The following XAGE5 variants were observed in gnomAD, a reference collection of about 807,000 sequenced individuals.
The protein encoded by XAGE5 is G antigen, family D, 5.
Under a neutral mutation model 13.1 loss-of-function variants are expected in XAGE5, and 13 were observed. That is an observed-to-expected ratio of 0.99 (90% confidence interval 0.64 to 1.57). XAGE5 has a LOEUF of 1.57. Ranked by LOEUF, XAGE5 falls within the 40% of genes most tolerant of loss-of-function variation. The probability of loss-of-function intolerance (pLI) is 0.00; values close to 1 mark genes in which losing one functional copy is unlikely to be tolerated. For synonymous variants in XAGE5, 17 were observed against 25.0 expected (o/e 0.68, Z 0.96); for missense variants, 86 against 77.6 (o/e 1.11, Z -0.41).
chrX:52,812,941 G>A (rs1926828264), intron 3 of XAGE5, among the ~76,000 whole-genome samples, 199 bp from the exon 4 acceptor site: 1 of 111,904 alleles, frequency 8.9e-6, no homozygotes, highest in African/African-American at 3.2e-5. Context: ...CGGTCTCAGA[G>A]TAACCTCTCT....
At chrX:52,816,024 A>G (rs1460938809) in intron 5 of XAGE5, among the ~76,000 whole-genome samples, 1 of 110,886 alleles carries the variant, frequency 9.0e-6, no homozygotes, top group Non-Finnish European at 1.9e-5. Flanking sequence ...GTTCACTGTG[A>G]CCTCCGCCTC....
intron 4 of XAGE5, among the ~76,000 whole-genome samples, chrX:52,813,492 C>T (rs1556777653): frequency 9.0e-6 from 1 of 111,585 alleles, no homozygotes; most frequent in East Asian, 2.8e-4. Flanking sequence ...ATAGTCCTTC[C>T]TAAATCAGAT....
chrX:52,813,022 A>C (rs1926829390), intron 3 of XAGE5, 118 bp from the exon 4 acceptor site: 1 of 565,743 alleles, frequency 1.8e-6, no homozygotes, highest in Non-Finnish European at 3.0e-6. Flanking sequence ...CATGTCTTTA[A>C]ACATGCATAT....
chrX:52,815,608 T>C (rs1215469767), intron 5 of XAGE5, among the ~76,000 whole-genome samples: 1 of 113,060 alleles, frequency 8.8e-6, no homozygotes, highest in African/African-American at 3.2e-5. Context: ...TGTGAGATTC[T>C]GGACAAATCA....
chrX:52,818,069 CT>C, intron 5 of XAGE5, 121 bp from the exon 6 acceptor site: 2 of 844,234 alleles, frequency 2.4e-6, no homozygotes, highest in Non-Finnish European at 3.4e-6. Context: ...TAGGGAGACT[CT>C]TCAGATTCTG....
rs1556777918 is a variant in XAGE5, at chrX:52,815,097, A to G, written c.184A>G (p.Asn62Asp). 5.0e-6 allele frequency: 6 copies of G among 1,209,507 alleles called. No homozygotes were observed. The highest frequency in any genetic ancestry group is 4.6e-4 in the Middle Eastern group (2 of 4,355). Residue 62 changes from asparagine to aspartate, a missense_variant, in exon 5 of 6, where the codon AAC (asparagine) becomes GAC (aspartate). Transcript: ENST00000375501. The stretch of plus-strand genomic sequence containing the variant: ...ATATCCTTGGTATTTTTCAGTGCCT[A>G]ACCTGGAAGCTGATCTCCAGGAGCT... ...DQGAAEIQVP[N>D]LEADLQELSQ...
intron 4 of XAGE5, 27 bp from the exon 5 acceptor site, chrX:52,815,065 C>G (rs1556777915): frequency 8.3e-7 from 1 of 1,209,503 alleles, no homozygotes; most frequent in Non-Finnish European, 1.1e-6. Context: ...TTTGGCTGCT[C>G]CAGTCCATAT....
intron 5 of XAGE5, among the ~76,000 whole-genome samples, 171 bp from the exon 6 acceptor site, chrX:52,818,020 C>T (rs1195015185): frequency 8.9e-6 from 1 of 111,838 alleles, no homozygotes; most frequent in African/African-American, 3.2e-5. Context: ...GGAAGTGTAT[C>T]CTCAAAGTCT....
rs1556777279 is a variant in XAGE5 at position 52,811,391 on chromosome X, C to A, written c.-202C>A. On this transcript the variant is annotated 5_prime_UTR_variant, in exon 1 of 6. Coordinates refer to ENST00000375501, the MANE Select transcript of XAGE5 (RefSeq NM_001386970.1). ...AGACGCAGCCAGTAGGTCCACAGGCCGATCCAACTGGGAGTTGAAGTGTGA... is the reference window on the plus strand; with the variant it reads ...AGACGCAGCCAGTAGGTCCACAGGCAGATCCAACTGGGAGTTGAAGTGTGA... Among the ~76,000 whole-genome samples the A allele has an allele frequency of 1.8e-5, 2 of 111,590 alleles. No individual in the cohort carries two copies. The highest frequency in any genetic ancestry group is 9.5e-5 in the Admixed American group (1 of 10,525).
intron 2 of XAGE5, chrX:52,812,304 G>T: frequency 1.0e-5 from 3 of 291,703 alleles, no homozygotes; most frequent in Admixed American, 5.6e-5. Context: ...ACAGAGTTTT[G>T]CTCTTGTTGC....
intron 3 of XAGE5, among the ~76,000 whole-genome samples, chrX:52,812,894 CATAAATTAAA>C: frequency 9.0e-6 from 1 of 111,597 alleles, no homozygotes; most frequent in South Asian, 3.9e-4. Flanking sequence ...TTCAACCCAA[CATAAATTAAA>C]ATGGCTTCCA....
At chrX:52,816,519 G>C (rs1475663698) in intron 5 of XAGE5, among the ~76,000 whole-genome samples, 2 of 111,934 alleles carry the variant, frequency 1.8e-5, no homozygotes, top group African/African-American at 6.5e-5. Context: ...AAACATATCA[G>C]AGGTTATATA....
chrX:52,818,251 G>T lies in XAGE5; in HGVS notation c.*38G>T. On this transcript the variant is annotated 3_prime_UTR_variant, in exon 6 of 6. Coordinates refer to ENST00000375501, the MANE Select transcript of XAGE5 (RefSeq NM_001386970.1). The stretch of plus-strand genomic sequence containing the variant: ...AAAAGAATGCAAACTGGATTTATCC[G>T]AGATATTTGACTTTTAAAAATCTCA... The T allele has an allele frequency of 8.3e-7, 1 of 1,203,218 alleles. No homozygotes were observed. Among genetic ancestry groups the T allele is most frequent in the Non-Finnish European group, 1.1e-6 (1 of 889,073 alleles).
At chrX:52,814,238 G>A in intron 4 of XAGE5, 1 of 330,432 alleles carries the variant, frequency 3.0e-6, no homozygotes, top group Non-Finnish European at 5.9e-6. Flanking sequence ...AAACAGGATA[G>A]CAACTCCAGA....
At chrX:52,816,796 G>A (rs1437804048) in intron 5 of XAGE5, among the ~76,000 whole-genome samples, 1 of 111,863 alleles carries the variant, frequency 8.9e-6, no homozygotes, top group Non-Finnish European at 1.9e-5. Flanking sequence ...TACTGAACAA[G>A]CCTCAGTTGT....
rs782716624 is a variant in XAGE5 at position 52,812,540 on chromosome X, C to G, written c.-8-19C>G. On this transcript the variant is annotated intron_variant, in intron 2 of 5. Coordinates refer to ENST00000375501, the MANE Select transcript of XAGE5 (RefSeq NM_001386970.1). ...CCATCCCCCTCAGCCTCCCAAAGTG[C>G]ACACTATTCTGTTTGCAGACTGAAA... 4 of 1,200,246 alleles carry G rather than the reference C, an allele frequency of 3.3e-6. No individual in the cohort carries two copies. The South Asian group carries it at 7.1e-5, about 21-fold the overall frequency.
At chrX:52,811,756 C>T (rs1295198596) in intron 2 of XAGE5, among the ~76,000 whole-genome samples, 37 bp downstream of exon 2, 4 of 110,475 alleles carry the variant, frequency 3.6e-5, no homozygotes, top group Non-Finnish European at 7.6e-5. Context: ...ACACTCCGGA[C>T]TGGTGACCGC....
intron 4 of XAGE5, chrX:52,814,405 T>C (rs1926863842): frequency 5.1e-6 from 1 of 196,313 alleles, no homozygotes; most frequent in African/African-American, 2.9e-5. Context: ...TTTTTATAAT[T>C]AGAAAACTCC....
chrX:52,816,896 AAAT>A (rs782139682), intron 5 of XAGE5, among the ~76,000 whole-genome samples: 2 of 112,251 alleles, frequency 1.8e-5, no homozygotes, highest in Admixed American at 1.9e-4. Context: ...AAGACATAAA[AAAT>A]AATAAAAGAG....
Sources: gnomAD v4.1 joint callset for allele counts (sites outside exome capture counted in the v4.1 genomes callset) on GRCh38, gnomAD v4.1.1 for gene constraint, MANE v1.5 for transcripts, NCBI Gene and HGNC (gene_info 2026-07-23, HGNC 2026-07-21) for gene names.